Variants in CCDC39 observed in about 807,000 individuals in gnomAD.
CCDC39 encodes the protein coiled-coil domain 39 molecular ruler complex subunit.
A neutral mutation model predicts 121.0 loss-of-function variants in CCDC39; 113 were observed. The ratio of observed to expected loss-of-function variants is 0.93; its 90% CI spans 0.80 to 1.09. The LOEUF (loss-of-function observed/expected upper bound fraction) is 1.09. CCDC39 is among the 50% of genes least tolerant of loss of function. CCDC39 has a pLI of 0.00. For synonymous variants in CCDC39, 349 were observed against 352.2 expected (o/e 0.99, Z 0.10); for missense variants, 1,063 against 1,074.7 (o/e 0.99, Z 0.15).
rs774125810 is a variant in CCDC39 at position 180,626,128 on chromosome 3, T to C, written c.1998+5341A>G. ...GGTGTTGCTGGTAGCTGCAATGGGTTGGACATGCTGGTCCTCTGGCCTGTT... is the reference window on the plus strand; with the variant it reads ...GGTGTTGCTGGTAGCTGCAATGGGTCGGACATGCTGGTCCTCTGGCCTGTT... On this transcript the variant is annotated intron_variant, in intron 14 of 19. Transcript: ENST00000476379. Among the ~76,000 whole-genome samples the C allele has an allele frequency of 7.4e-4, 113 of 152,076 alleles. 1 individual carries two copies. Among genetic ancestry groups the C allele is most frequent in the Non-Finnish European group, 2.4e-4 (16 of 68,002 alleles).
chr3:180,620,982 T>TATTTAGCTCC (rs1717417037), intron 14 of CCDC39, among the ~76,000 whole-genome samples: 1 of 152,236 alleles, frequency 6.6e-6, no homozygotes, highest in Admixed American at 6.6e-5. Flanking sequence ...GTGTACGCGT[T>TATTTAGCTCC]ATTTAGCTCC....
At chr3:180,672,129 C>T (rs1712065850) in intron 1 of CCDC39, among the ~76,000 whole-genome samples, 1 of 152,144 alleles carries the variant, frequency 6.6e-6, no homozygotes, top group African/African-American at 2.4e-5. Flanking sequence ...GAAGCCAACA[C>T]TCATTTACTA....
At chr3:180,662,106 A>G in intron 2 of CCDC39, 99 bp from the exon 3 acceptor site, 1 of 1,190,906 alleles carries the variant, frequency 8.4e-7, no homozygotes. Context: ...AAGTTCCCAT[A>G]AATTGCTTAC....
intron 9 of CCDC39, among the ~76,000 whole-genome samples, chr3:180,650,486 A>G (rs1463115969): frequency 1.3e-5 from 2 of 152,154 alleles, no homozygotes; most frequent in Admixed American, 6.5e-5. Context: ...ACAAATAGAT[A>G]TATGGATGAT....
At chr3:180,675,496 T>C (rs1576956327) in intron 1 of CCDC39, among the ~76,000 whole-genome samples, 1 of 152,326 alleles carries the variant, frequency 6.6e-6, no homozygotes. Flanking sequence ...TCTGCTCTGA[T>C]CTTAATTATT....
chr3:180,654,735 A>G (rs766142452), intron 7 of CCDC39, 27 bp downstream of exon 7: 10 of 1,533,676 alleles, frequency 6.5e-6, no homozygotes, highest in African/African-American at 4.1e-5. Context: ...GTGAACATAC[A>G]AGCCAGTCTT....
At chr3:180,619,693 T>C in intron 15 of CCDC39, 118 bp downstream of exon 15, 1 of 654,674 alleles carries the variant, frequency 1.5e-6, no homozygotes, top group South Asian at 2.6e-5. Flanking sequence ...AAGGGATTAG[T>C]TTTTCTGACC....
chr3:180,634,099 C>G (rs1717770227), intron 13 of CCDC39, among the ~76,000 whole-genome samples: 1 of 152,176 alleles, frequency 6.6e-6, no homozygotes, highest in Non-Finnish European at 1.5e-5. Context: ...ACTCCCTTAA[C>G]TCCTTGCTCC....
chr3:180,666,280 C>T (rs186326127), intron 1 of CCDC39, among the ~76,000 whole-genome samples: 22 of 152,248 alleles, frequency 1.4e-4, no homozygotes, highest in Non-Finnish European at 3.1e-4. Flanking sequence ...TCGTCATTGA[C>T]TTTTAATGCA....
chr3:180,662,075 A>C, intron 2 of CCDC39, 68 bp from the exon 3 acceptor site: 1 of 1,408,064 alleles, frequency 7.1e-7, no homozygotes, highest in Non-Finnish European at 9.6e-7. Flanking sequence ...AATATTTATA[A>C]TAATCCATTA....
At chr3:180,626,117 C>T (rs1328471161) in intron 14 of CCDC39, among the ~76,000 whole-genome samples, 4 of 152,078 alleles carry the variant, frequency 2.6e-5, no homozygotes, top group Non-Finnish European at 4.4e-5. Context: ...TTGCTGGTAG[C>T]TGCAATGGGT....
At chr3:180,627,300 C>A (rs759502123) in intron 14 of CCDC39, among the ~76,000 whole-genome samples, 2 of 152,090 alleles carry the variant, frequency 1.3e-5, no homozygotes, top group African/African-American at 4.8e-5. Context: ...GAAATTATAT[C>A]TAATTCCTTT....
At chr3:180,676,446 T>C (rs1322000420) in intron 1 of CCDC39, among the ~76,000 whole-genome samples, 9 of 152,150 alleles carry the variant, frequency 5.9e-5, no homozygotes, top group South Asian at 4.1e-4. Flanking sequence ...CAATGAGATA[T>C]CATCTCACAC....
chr3:180,631,563 AT>A lies in CCDC39; in HGVS notation c.1903del (p.Ile635LeufsTer4). On this transcript the variant is annotated frameshift_variant, in exon 14 of 20. Transcript: ENST00000476379. LOFTEE classifies it high-confidence loss of function. ...TTCATATCTATTCTTCAGCTTCTCAATTTTACTTAGCCGCTCGCGAAACTCA... is the reference window on the plus strand; with the variant it reads ...TTCATATCTATTCTTCAGCTTCTCAATTTACTTAGCCGCTCGCGAAACTCA... ...STEFRERLSK[I>X]EKLKNRYEIL... 1 of 1,609,050 alleles carries A rather than the reference AT, an allele frequency of 6.2e-7. No individual in the cohort carries two copies. The highest frequency in any genetic ancestry group is 8.5e-7 in the Non-Finnish European group (1 of 1,179,342).
chr3:180,674,665 T>C (rs1163326413), intron 1 of CCDC39, among the ~76,000 whole-genome samples: 1 of 152,218 alleles, frequency 6.6e-6, no homozygotes, highest in Non-Finnish European at 1.5e-5. Flanking sequence ...CAATACCTAA[T>C]TTATTGAGAA....
intron 1 of CCDC39, among the ~76,000 whole-genome samples, chr3:180,665,525 T>G (rs1711852145): frequency 6.6e-6 from 1 of 152,148 alleles, no homozygotes; most frequent in Non-Finnish European, 1.5e-5. Flanking sequence ...ATTAAATTTT[T>G]TTTTGCTTTT....
At chr3:180,675,759 A>AAGGCCAAAACAGCAT in intron 1 of CCDC39, among the ~76,000 whole-genome samples, 1 of 152,306 alleles carries the variant, frequency 6.6e-6, no homozygotes, top group Non-Finnish European at 1.5e-5. Flanking sequence ...ACAAGGCTAC[A>AAGGCCAAAACAGCAT]GTAACCAAAA....
At chr3:180,637,991 T>C (rs1179356852) in intron 13 of CCDC39, among the ~76,000 whole-genome samples, 2 of 152,118 alleles carry the variant, frequency 1.3e-5, no homozygotes, top group African/African-American at 4.8e-5. Flanking sequence ...GATTAGTAGC[T>C]GGGTAATGAA....
At chr3:180,633,688 G>A (rs1164810981) in intron 13 of CCDC39, among the ~76,000 whole-genome samples, 2 of 152,054 alleles carry the variant, frequency 1.3e-5, no homozygotes, top group Admixed American at 6.5e-5. Context: ...AGCAACAAAT[G>A]GAGAAAACAG....
Sources: gnomAD v4.1 joint callset for allele counts (sites outside exome capture counted in the v4.1 genomes callset) on GRCh38, gnomAD v4.1.1 for gene constraint, MANE v1.5 for transcripts, NCBI Gene and HGNC (gene_info 2026-07-23, HGNC 2026-07-21) for gene names.